Variants in WDR27 observed in about 807,000 individuals in gnomAD.
WDR27 encodes WD repeat-containing protein 27.
Under a neutral mutation model 114.4 loss-of-function variants are expected in WDR27, and 100 were observed. The observed-to-expected ratio is 0.87, with a 90% CI of 0.74 to 1.03. The LOEUF is 1.03. WDR27 is among the 50% of genes least tolerant of loss of function. The pLI is 0.00. For missense variants in WDR27, 1,129 were observed against 1,092.9 expected (o/e 1.03, Z -0.47); for synonymous variants, 449 against 423.1 (o/e 1.06, Z -0.75).
intron 2 of WDR27, among the ~76,000 whole-genome samples, chr6:169,675,375 C>G (rs1306234046): frequency 6.6e-6 from 1 of 152,120 alleles, no homozygotes; most frequent in Non-Finnish European, 1.5e-5. Flanking sequence ...GTTCCTGAGG[C>G]CCTCACCAGA....
chr6:169,569,254 C>T (rs1017475357), intron 25 of WDR27, among the ~76,000 whole-genome samples: 9 of 151,964 alleles, frequency 5.9e-5, no homozygotes, highest in Non-Finnish European at 1.0e-4. Flanking sequence ...AAACACTTAA[C>T]GTTTTAAAAC....
intron 25 of WDR27, among the ~76,000 whole-genome samples, chr6:169,540,891 C>T (rs1212863801): frequency 1.3e-5 from 2 of 152,160 alleles, no homozygotes; most frequent in Non-Finnish European, 2.9e-5. Flanking sequence ...TCTGTGCCTT[C>T]TCTGTTCTCA....
chr6:169,576,766 CA>C (rs34375216), intron 24 of WDR27, among the ~76,000 whole-genome samples: 62,143 of 137,332 alleles, frequency 0.45, 15,743 homozygotes, highest in Non-Finnish European at 0.61. Flanking sequence ...CCCTTTCTCA[CA>C]AAAAAAAAAA....
chr6:169,612,089 T>C (rs1289985894), intron 22 of WDR27, among the ~76,000 whole-genome samples: 1 of 150,834 alleles, frequency 6.6e-6, no homozygotes, highest in East Asian at 2.0e-4. Context: ...TGAGCTGAGA[T>C]TACACCATTG....
chr6:169,678,835 T>A (rs745526528), intron 2 of WDR27, among the ~76,000 whole-genome samples: 6 of 152,236 alleles, frequency 3.9e-5, no homozygotes. Context: ...AAAATCCACA[T>A]TCTATAGAGA....
At chr6:169,429,452 T>G in the WDR27 span, among the ~76,000 whole-genome samples, 7 of 145,874 alleles carry the variant, frequency 4.8e-5, no homozygotes, top group African/African-American at 1.8e-4. Context: ...TTTTCCCAAC[T>G]GAGAAGTCTT....
chr6:169,664,727 G>T, intron 7 of WDR27: 2 of 998,772 alleles, frequency 2.0e-6, no homozygotes, highest in South Asian at 8.8e-5. Flanking sequence ...TATAAAAACA[G>T]CAACTTTATC....
At chr6:169,544,099 C>T (rs191648904) in intron 25 of WDR27, among the ~76,000 whole-genome samples, 4 of 152,194 alleles carry the variant, frequency 2.6e-5, no homozygotes, top group Admixed American at 2.6e-4. Context: ...AGGAACATTG[C>T]CTTGATAAAC....
At chr6:169,578,099 C>A (rs943693811) in intron 24 of WDR27, among the ~76,000 whole-genome samples, 4 of 152,206 alleles carry the variant, frequency 2.6e-5, no homozygotes, top group Non-Finnish European at 5.9e-5. Flanking sequence ...AGGTTGGTGT[C>A]ATCGCTCCGC....
chr6:169,511,410 A>T (rs1240175471), intron 25 of WDR27, among the ~76,000 whole-genome samples: 1 of 152,242 alleles, frequency 6.6e-6, no homozygotes, highest in Non-Finnish European at 1.5e-5. Context: ...ATTACAGATC[A>T]GCACTAACAG....
intron 4 of WDR27, chr6:169,668,897 C>T (rs774027040): frequency 1.3e-5 from 2 of 152,200 alleles, no homozygotes; most frequent in Non-Finnish European, 2.9e-5. Context: ...TACGACATAT[C>T]GCCATCAACA....
intron 13 of WDR27, among the ~76,000 whole-genome samples, chr6:169,655,743 G>C (rs138801377): frequency 6.6e-6 from 1 of 152,008 alleles, no homozygotes; most frequent in Non-Finnish European, 1.5e-5. Flanking sequence ...TTTTTGAGAC[G>C]GAGTCTCGCC....
intron 21 of WDR27, among the ~76,000 whole-genome samples, chr6:169,622,571 A>G (rs1056156234): frequency 4.6e-5 from 7 of 152,276 alleles, no homozygotes; most frequent in African/African-American, 1.7e-4. Flanking sequence ...TTGGAAAACA[A>G]TATGAATAAA....
chr6:169,639,180 T>G (rs1163723169), intron 17 of WDR27, among the ~76,000 whole-genome samples: 1 of 137,142 alleles, frequency 7.3e-6, no homozygotes, highest in Non-Finnish European at 1.5e-5. Context: ...TGCTGGGTAC[T>G]GTGTGGAGCG....
rs1825442081 is a variant in WDR27, at chr6:169,659,681, A to G, written c.1130-163T>C. ...CTGTGCACCACATCCTCACACATAC[A>G]AGGCCCCAGGCCACACACACACCAG... On this transcript the variant is annotated intron_variant, in intron 10 of 25. Transcript: ENST00000448612. The surrounding 1 kb of genome is among the most constrained non-coding windows in gnomAD (Gnocchi z 4.3). Among the ~76,000 whole-genome samples the G allele has an allele frequency of 6.6e-6, 1 of 151,798 alleles. No homozygotes were observed. The highest frequency in any genetic ancestry group is 6.6e-5 in the Admixed American group (1 of 15,244).
intron 25 of WDR27, among the ~76,000 whole-genome samples, chr6:169,476,941 C>A (rs145118209): frequency 6.6e-6 from 1 of 152,280 alleles, no homozygotes; most frequent in East Asian, 1.9e-4. Flanking sequence ...TGGATAGGAT[C>A]TCCAGTATTG....
intron 25 of WDR27, among the ~76,000 whole-genome samples, chr6:169,504,622 T>G (rs1436408819): frequency 9.9e-5 from 15 of 152,178 alleles, no homozygotes; most frequent in Non-Finnish European, 2.9e-5. Flanking sequence ...AAAAGATTTT[T>G]TTTTGAGACA....
At chr6:169,480,354 C>T (rs1404890639) in intron 25 of WDR27, among the ~76,000 whole-genome samples, 1 of 152,206 alleles carries the variant, frequency 6.6e-6, no homozygotes, top group Non-Finnish European at 1.5e-5. Context: ...GTGGCCCGAG[C>T]CTCCCTGACG....
At chr6:169,629,858 C>T (rs1029876509) in intron 21 of WDR27, among the ~76,000 whole-genome samples, 1 of 140,114 alleles carries the variant, frequency 7.1e-6, no homozygotes, top group African/African-American at 2.7e-5. Context: ...ACCCAGGAGG[C>T]GGAGCTTGCA....
Sources: gnomAD v4.1 joint callset for allele counts (sites outside exome capture counted in the v4.1 genomes callset) on GRCh38, gnomAD v4.1.1 for gene constraint, Gnocchi (gnomAD v3.1) non-coding constraint, MANE v1.5 for transcripts, NCBI Gene and HGNC (gene_info 2026-07-23, HGNC 2026-07-21) for gene names.